GLIS1: variants seen among roughly 807,000 people sequenced by gnomAD.
The protein encoded by GLIS1 is zinc finger protein GLIS1.
A neutral mutation model predicts 63.8 loss-of-function variants in GLIS1; 24 were observed. The observed-to-expected ratio is 0.38, with a 90% CI of 0.27 to 0.53. GLIS1 has a LOEUF of 0.53. Ranked by LOEUF, GLIS1 falls within the 20% of genes least tolerant of loss-of-function variation. The pLI is 0.85. For missense variants in GLIS1, 1,036 were observed against 1,074.1 expected, an observed-to-expected ratio of 0.96 and a Z score of 0.50; for synonymous variants, 450 against 482.5, an observed-to-expected ratio of 0.93 and a Z score of 0.88.
At chr1:53,557,984 C>T (rs1644849560) in intron 4 of GLIS1, among the ~76,000 whole-genome samples, 1 of 152,164 alleles carries the variant, frequency 6.6e-6, no homozygotes, top group Admixed American at 6.5e-5. Context: ...TTAGGGGAGC[C>T]CCAAATCAAA....
intron 2 of GLIS1, among the ~76,000 whole-genome samples, chr1:53,638,597 G>A (rs1034110537): frequency 6.6e-6 from 1 of 152,202 alleles, no homozygotes; most frequent in Non-Finnish European, 1.5e-5. Flanking sequence ...GGGCCTCTGA[G>A]GCCCCATGGA....
At chr1:53,708,279 C>T (rs568542025) in intron 2 of GLIS1, among the ~76,000 whole-genome samples, 2 of 151,186 alleles carry the variant, frequency 1.3e-5, no homozygotes, top group East Asian at 2.0e-4. Context: ...AGGGAGACTT[C>T]ATCTCAAAAA....
At chr1:53,733,707 T>C (rs1223768959) in intron 2 of GLIS1, among the ~76,000 whole-genome samples, 2 of 152,208 alleles carry the variant, frequency 1.3e-5, no homozygotes, top group African/African-American at 4.8e-5. Flanking sequence ...CCCACACACA[T>C]ACTTGTTTCT....
chr1:53,545,380 G>T (rs61770265), intron 4 of GLIS1, among the ~76,000 whole-genome samples: 25,554 of 152,164 alleles, frequency 0.17, 2,608 homozygotes, highest in Middle Eastern at 0.25. Context: ...CCTGTCCGGC[G>T]GCATCATGGG....
intron 2 of GLIS1, among the ~76,000 whole-genome samples, chr1:53,648,661 G>A (rs1363922424): frequency 2.0e-5 from 3 of 152,168 alleles, no homozygotes; most frequent in Non-Finnish European, 2.9e-5. Context: ...CAGTGAAAAT[G>A]AATAAGCCAT....
intron 4 of GLIS1, among the ~76,000 whole-genome samples, chr1:53,559,697 G>A (rs1270788321): frequency 6.6e-6 from 1 of 152,046 alleles, no homozygotes; most frequent in Non-Finnish European, 1.5e-5. Context: ...CACACGCCCT[G>A]CACCCCCTGG....
intron 2 of GLIS1, among the ~76,000 whole-genome samples, chr1:53,661,291 A>G (rs1646025849): frequency 6.6e-6 from 1 of 152,142 alleles, no homozygotes. Context: ...TGAGCTGGGC[A>G]GTGGGGATGA....
intron 2 of GLIS1, among the ~76,000 whole-genome samples, chr1:53,622,518 A>G (rs1192673100): frequency 6.6e-6 from 1 of 151,988 alleles, no homozygotes; most frequent in African/African-American, 2.4e-5. Flanking sequence ...CTTATTTGGA[A>G]AAAGGGTATT....
At chr1:53,673,824 G>T (rs968461229) in intron 2 of GLIS1, among the ~76,000 whole-genome samples, 3 of 152,224 alleles carry the variant, frequency 2.0e-5, no homozygotes, top group Admixed American at 1.3e-4. Context: ...TCCGCATGAA[G>T]GCAAGAATGC....
chr1:53,513,901 A>C (rs1487348605), intron 8 of GLIS1, among the ~76,000 whole-genome samples: 2 of 152,196 alleles, frequency 1.3e-5, no homozygotes, highest in Non-Finnish European at 2.9e-5. Context: ...GGGAAGGAGG[A>C]AGGTGCTGGG....
Position 53,612,321 on chromosome 1 carries a change from G to C in GLIS1, c.260-12043C>G, listed in dbSNP as rs553439380. ...GTGGCGCGATCTCGGCTCACAGCAA[G>C]CTCCGCCTCCCGGGTTCACACCATC... is the stretch of plus-strand genomic sequence containing the variant. On this transcript the variant is annotated intron_variant, in intron 2 of 10. Coordinates refer to ENST00000628545, the MANE Select transcript of GLIS1 (RefSeq NM_001367484.1). Among the ~76,000 whole-genome samples, 75 of 151,966 alleles carry C rather than the reference G, an allele frequency of 4.9e-4. 1 individual carries two copies. The highest frequency in any genetic ancestry group is 7.7e-4 in the Non-Finnish European group (52 of 67,936).
intron 2 of GLIS1, among the ~76,000 whole-genome samples, chr1:53,669,920 G>A (rs77105926): frequency 0.02 from 3,037 of 152,300 alleles, 99 homozygotes; most frequent in African/African-American, 0.069. Context: ...TCCTGACCAG[G>A]ACAGCAGCTT....
chr1:53,720,382 A>G (rs754549306), intron 2 of GLIS1, among the ~76,000 whole-genome samples: 2 of 152,192 alleles, frequency 1.3e-5, no homozygotes, highest in Non-Finnish European at 2.9e-5. Flanking sequence ...GTTAAATGAA[A>G]CAAGCCAGAC....
chr1:53,653,869 C>A (rs1322679584), intron 2 of GLIS1, among the ~76,000 whole-genome samples: 3 of 152,212 alleles, frequency 2.0e-5, no homozygotes, highest in Non-Finnish European at 4.4e-5. Context: ...CTACAGGCTG[C>A]CAGCAGTGGG....
chr1:53,521,273 TG>T (rs35408317), intron 6 of GLIS1, among the ~76,000 whole-genome samples: 115,613 of 151,984 alleles, frequency 0.76, 46,772 homozygotes, highest in East Asian at 0.98. Flanking sequence ...AGGTGCGTTC[TG>T]TGCAGCCGCA....
chr1:53,720,091 G>T (rs1414745004), intron 2 of GLIS1, among the ~76,000 whole-genome samples: 2 of 152,196 alleles, frequency 1.3e-5, no homozygotes, highest in Non-Finnish European at 2.9e-5. Flanking sequence ...CAGGAGAATT[G>T]CTTGAATCCA....
In GLIS1 at chr1:53,511,802, C is replaced by T. The variant is rs1201960581; in HGVS notation, c.1884-1775G>A. 6.6e-6 allele frequency among the ~76,000 whole-genome samples: 1 copy of T among 152,152 alleles called. No individual in the cohort carries two copies. Among genetic ancestry groups the T allele is most frequent in the Non-Finnish European group, 1.5e-5 (1 of 68,008 alleles). The stretch of plus-strand genomic sequence containing the variant: ...CTGGGGCCTGGCCGGAGAGTGGCTC[C>T]TCCTTCCTGCAGGCCTGCTGTGTGG... On this transcript the variant is annotated intron_variant, in intron 8 of 10. Transcript: ENST00000628545. The surrounding 1 kb of genome is among the most constrained non-coding windows in gnomAD (Gnocchi z 4.2).
At chr1:53,640,157 A>G (rs1284213776) in intron 2 of GLIS1, among the ~76,000 whole-genome samples, 1 of 152,182 alleles carries the variant, frequency 6.6e-6, no homozygotes, top group African/African-American at 2.4e-5. Context: ...GACAACCCAA[A>G]GTCAGAGGTG....
intron 2 of GLIS1, among the ~76,000 whole-genome samples, chr1:53,647,955 T>C (rs138413389): frequency 0.066 from 10,043 of 152,146 alleles, 502 homozygotes; most frequent in Non-Finnish European, 0.096. Context: ...GAGGATCACT[T>C]GAGCCCAGGA....
Sources: gnomAD v4.1 joint callset for allele counts (sites outside exome capture counted in the v4.1 genomes callset) on GRCh38, gnomAD v4.1.1 for gene constraint, Gnocchi (gnomAD v3.1) non-coding constraint, MANE v1.5 for transcripts, NCBI Gene and HGNC (gene_info 2026-07-23, HGNC 2026-07-21) for gene names.